Variants in UBALD1 observed in about 807,000 individuals in gnomAD.
The protein encoded by UBALD1 is UBA-like domain-containing protein 1.
In UBALD1, 5 loss-of-function variants were observed where a neutral mutation model predicts 16.1. The observed-to-expected ratio is 0.31, with a 90% CI of 0.16 to 0.66. The LOEUF (loss-of-function observed/expected upper bound fraction) is 0.66, where lower values mean the gene tolerates loss of function less well. Among genes scored for constraint, UBALD1 ranks in the 30% least tolerant of loss-of-function variants. The pLI, the probability that UBALD1 is intolerant of heterozygous loss-of-function variation, is 0.77. For missense variants in UBALD1, 220 were observed against 252.8 expected (o/e 0.87, Z 0.88); for synonymous variants, 146 against 105.3 (o/e 1.39, Z -2.37).
Position 4,609,722 on chromosome 16 carries a change from G to C in UBALD1, c.445C>G (p.Pro149Ala), listed in dbSNP as rs772851857. Residue 149 changes from proline to alanine, a missense_variant, in exon 3 of 3, where the codon CCT becomes GCT. By Grantham distance (27) the Pro-to-Ala change is conservative. Transcript: ENST00000283474. ...GGTGGCCAGTCTGAAGCCGGAGAAG[G>C]GGGTGTTGGAGTCCACAGGGGCGGC... ...PQPPLWTPTP[P>A]SPASDWPPLA... 2 of 1,486,352 alleles carry C rather than the reference G, an allele frequency of 1.3e-6. No individual in the cohort carries two copies. The highest frequency in any genetic ancestry group is 2.0e-4 in the Middle Eastern group (1 of 4,946). The allele number at this position is 1,486,352 out of a possible 1,614,324, so 92.1% of individuals were successfully genotyped here. A position where few individuals can be genotyped will look rare whatever the true frequency, so the allele number is the denominator to read the frequency against.
rs755414355 is a variant in UBALD1, at chr16:4,609,831, G to T, written c.336C>A (p.Pro112=). The T allele has an allele frequency of 2.6e-6, 4 of 1,531,622 alleles. No homozygotes were observed. The highest frequency in any genetic ancestry group is 2.6e-6 in the Non-Finnish European group (3 of 1,139,634). 94.9% of individuals were successfully genotyped at this position (1,531,622 alleles called of 1,614,324 possible). ...ATATSPPPHF[P]HAATSSSAAS... is the part of the protein sequence containing the mutation. ...CCGCAGAGCTGCTGGTGGCGGCATG[G>T]GGGAAGTGTGGCGGGGGTGACGTGG... is the stretch of plus-strand genomic sequence containing the variant. The change falls in exon 3 of 3, where the codon CCC becomes CCA. Residue 112 remains proline (P), a synonymous_variant. Transcript: ENST00000283474.
intron 1 of UBALD1, among the ~76,000 whole-genome samples, chr16:4,613,517 C>T (rs988967031): frequency 5.9e-5 from 9 of 152,136 alleles, no homozygotes; most frequent in African/African-American, 2.2e-4. Context: ...CCCCAGGAAG[C>T]GGAGCCTCAG....
chr16:4,612,445 G>A (rs945592695), intron 1 of UBALD1, among the ~76,000 whole-genome samples: 8 of 152,046 alleles, frequency 5.3e-5, no homozygotes, highest in African/African-American at 1.9e-4. Flanking sequence ...CAGGGGTGTG[G>A]GAGCTCAGGC....
chr16:4,610,154 T>G, intron 2 of UBALD1, 171 bp from the exon 3 acceptor site: 1 of 734,028 alleles, frequency 1.4e-6, no homozygotes, highest in Non-Finnish European at 2.4e-6. Context: ...AGCCTTGAGA[T>G]GAACCGACCC....
Position 4,609,726 on chromosome 16 carries a change from T to C in UBALD1, c.441A>G (p.Thr147=). 6.8e-7 allele frequency: 1 copy of C among 1,467,868 alleles called. No individual in the cohort carries two copies. Among genetic ancestry groups the C allele is most frequent in the African/African-American group, 1.5e-5 (1 of 68,134 alleles). The allele number at this position is 1,467,868 out of a possible 1,614,324, so 90.9% of individuals were successfully genotyped here. A position where few individuals can be genotyped will look rare whatever the true frequency, so the allele number is the denominator to read the frequency against. The part of the protein sequence containing the change: ...HQPQPPLWTP[T]PPSPASDWPP... ...GCCAGTCTGAAGCCGGAGAAGGGGGTGTTGGAGTCCACAGGGGCGGCTGTG... is the reference window on the plus strand; with the variant it reads ...GCCAGTCTGAAGCCGGAGAAGGGGGCGTTGGAGTCCACAGGGGCGGCTGTG... Residue 147 remains threonine (T), a synonymous_variant, in exon 3 of 3, where the codon ACA becomes ACG. Coordinates refer to ENST00000283474, the MANE Select transcript of UBALD1 (RefSeq NM_145253.3).
At chr16:4,611,354 C>T (rs1897355682) in intron 1 of UBALD1, 2 of 152,306 alleles carry the variant, frequency 1.3e-5, no homozygotes, top group Non-Finnish European at 2.9e-5. Context: ...TCAAAGCCAC[C>T]ACGGGTTTAC....
intron 1 of UBALD1, chr16:4,610,874 C>A (rs765127554): frequency 1.1e-4 from 50 of 441,390 alleles, no homozygotes; most frequent in Non-Finnish European, 1.8e-4. Flanking sequence ...TGGGGGAGGG[C>A]GGGCAGTACA....
chr16:4,609,561 A>T lies in UBALD1; in HGVS notation c.*72T>A, dbSNP rs1257227169. 6 of 636,716 alleles carry T rather than the reference A, an allele frequency of 9.4e-6. No homozygotes were observed. The East Asian group carries it at 1.9e-4, about 20-fold the overall frequency. 39.4% of individuals were successfully genotyped at this position (636,716 alleles called of 1,614,324 possible). On this transcript the variant is annotated 3_prime_UTR_variant, in exon 3 of 3. Transcript: ENST00000283474. Reference sequence around the variant, plus strand: ...AGGGGTGCAGACAGAAAAGGGGTGAAGGGGGCCCGCAGAGACGTCCTCTCC... The same window carrying T: ...AGGGGTGCAGACAGAAAAGGGGTGATGGGGGCCCGCAGAGACGTCCTCTCC...
chr16:4,614,370 C>T (rs1897396053), intron 1 of UBALD1: 1 of 369,170 alleles, frequency 2.7e-6, no homozygotes, highest in Non-Finnish European at 4.8e-6. Flanking sequence ...GTCTGCACCG[C>T]GGGGCCGCCC....
intron 2 of UBALD1, chr16:4,610,211 C>T (rs1304938727): frequency 2.8e-6 from 2 of 711,310 alleles, no homozygotes; most frequent in Non-Finnish European, 5.1e-6. Flanking sequence ...CGAGGCTTTC[C>T]CAGCCCACCC....
At chr16:4,612,674 T>C (rs1307227053) in intron 1 of UBALD1, among the ~76,000 whole-genome samples, 2 of 151,904 alleles carry the variant, frequency 1.3e-5, no homozygotes, top group Non-Finnish European at 2.9e-5. Context: ...CATTAGCACC[T>C]GAATTGCAGC....
In UBALD1 at chr16:4,612,325, G is replaced by A. The variant is rs1159946270; in HGVS notation, c.121-1770C>T. Among the ~76,000 whole-genome samples the A allele has an allele frequency of 7.9e-5, 12 of 152,130 alleles. No homozygotes were observed. The East Asian group carries it at 2.3e-3, about 29-fold the overall frequency. On this transcript the variant is annotated intron_variant, in intron 1 of 2. Transcript: ENST00000283474. ...GATCCGCCCACCTTGGCCTCCCAAA[G>A]TGCTGGGATTACAGGCATGAACCAC...
chr16:4,610,337 C>A, intron 2 of UBALD1, 156 bp downstream of exon 2: 2 of 776,316 alleles, frequency 2.6e-6, no homozygotes, highest in Middle Eastern at 2.3e-4. Flanking sequence ...AAGTGCAGGA[C>A]CCACGGAGCC....
chr16:4,614,468 C>T (rs1165858067), intron 1 of UBALD1: 2 of 737,082 alleles, frequency 2.7e-6, no homozygotes, highest in Admixed American at 4.1e-5. Flanking sequence ...GGCGGCGTAT[C>T]CCCGACCGGT....
chr16:4,612,867 G>A (rs982513908), intron 1 of UBALD1, among the ~76,000 whole-genome samples: 4 of 152,038 alleles, frequency 2.6e-5, no homozygotes, highest in Non-Finnish European at 4.4e-5. Context: ...GGGAGTGGAG[G>A]GCACAGGGCT....
chr16:4,613,897 G>A (rs1401142764), intron 1 of UBALD1: 1 of 152,462 alleles, frequency 6.6e-6, no homozygotes, highest in Admixed American at 6.5e-5. Context: ...CCGGTAAAGG[G>A]ACAGATGCCC....
intron 1 of UBALD1, chr16:4,614,469 C>A: frequency 1.3e-6 from 1 of 755,414 alleles, no homozygotes; most frequent in South Asian, 3.0e-5. Flanking sequence ...GCGGCGTATC[C>A]CCGACCGGTG....
At chr16:4,614,519 C>A in intron 1 of UBALD1, 159 bp downstream of exon 1, 1 of 1,239,528 alleles carries the variant, frequency 8.1e-7, no homozygotes, top group Non-Finnish European at 1.1e-6. Context: ...CCCTTGGGAT[C>A]CGGACGCCGG....
chr16:4,614,582 C>A, intron 1 of UBALD1, 96 bp downstream of exon 1: 5 of 1,277,726 alleles, frequency 3.9e-6, no homozygotes, highest in Non-Finnish European at 4.9e-6. Context: ...GGGCGCACAG[C>A]CGGCACGCGT....
Sources: allele counts gnomAD v4.1 joint callset (sites outside exome capture counted in the v4.1 genomes callset), GRCh38; gene constraint gnomAD v4.1.1; transcripts MANE v1.5; gene names NCBI Gene and HGNC (gene_info 2026-07-23, HGNC 2026-07-21).